Variants in DPP6 observed in about 807,000 individuals in gnomAD.
DPP6 encodes the protein dipeptidyl peptidase like 6, also known as A-type potassium channel modulatory protein DPP6.
DPP6 carries 69 observed loss-of-function variants against 122.6 expected under a neutral mutation model. That is an observed-to-expected ratio of 0.56 (90% CI 0.46 to 0.69). The LOEUF is 0.69. Ranked by LOEUF, DPP6 falls within the 30% of genes least tolerant of loss-of-function variation. The probability of loss-of-function intolerance (pLI) is 0.00; values close to 1 mark genes in which losing one functional copy is unlikely to be tolerated. For missense variants in DPP6, 928 were observed against 1,116.9 expected, an observed-to-expected ratio of 0.83 and a Z score of 2.41; for synonymous variants, 418 against 433.1, an observed-to-expected ratio of 0.97 and a Z score of 0.43.
intron 1 of DPP6, among the ~76,000 whole-genome samples, chr7:153,894,490 T>C (rs1434898895): frequency 6.6e-6 from 1 of 152,080 alleles, no homozygotes; most frequent in African/African-American, 2.4e-5. Flanking sequence ...GGAGAAAGGG[T>C]TCCATTCGGG....
intron 8 of DPP6, among the ~76,000 whole-genome samples, chr7:154,742,970 C>A (rs1464364885): frequency 1.3e-5 from 2 of 152,184 alleles, no homozygotes; most frequent in East Asian, 3.8e-4. Context: ...GGAAGATGTT[C>A]TTTGACTCTT....
chr7:154,436,012 G>C (rs1300512209), intron 1 of DPP6, among the ~76,000 whole-genome samples: 1 of 152,120 alleles, frequency 6.6e-6, no homozygotes, highest in African/African-American at 2.4e-5. Context: ...TTAAGGCACA[G>C]TGGGAGAAGG....
intron 8 of DPP6, among the ~76,000 whole-genome samples, chr7:154,744,817 G>C (rs1476890899): frequency 6.6e-6 from 1 of 152,172 alleles, no homozygotes; most frequent in Admixed American, 6.5e-5. Flanking sequence ...AGATTTCTCA[G>C]GGTGCTTTGA....
chr7:153,789,295 C>T, the DPP6 span, among the ~76,000 whole-genome samples: 1 of 152,050 alleles, frequency 6.6e-6, no homozygotes, highest in Non-Finnish European at 1.5e-5. Context: ...TTGTAATGTC[C>T]CCTTTATTAT....
chr7:154,252,151 A>G (rs1367396604), intron 1 of DPP6, among the ~76,000 whole-genome samples: 5 of 152,252 alleles, frequency 3.3e-5, no homozygotes, highest in Non-Finnish European at 7.3e-5. Context: ...GTTGTATTCT[A>G]TAACAGGGTG....
chr7:154,589,711 C>T (rs1832689446), intron 5 of DPP6, among the ~76,000 whole-genome samples: 1 of 152,298 alleles, frequency 6.6e-6, no homozygotes, highest in African/African-American at 2.4e-5. Context: ...CAGTACAGTT[C>T]TAAAGCAATG....
At position 154,755,665 on chromosome 7, in the gene DPP6, G is replaced by C. The variant is rs916028775; in HGVS notation, c.884-13752G>C. Among the ~76,000 whole-genome samples, 12 of 152,136 alleles carry C rather than the reference G, an allele frequency of 7.9e-5. No homozygotes were observed. Among genetic ancestry groups the C allele is most frequent in the Non-Finnish European group, 1.8e-4 (12 of 68,028 alleles). Reference sequence around the variant, plus strand: ...CCCTTCTAAGAGGACTTACCCGGAAGCTGCCAAGTCTTACTGGAATTCAAT... The same window carrying C: ...CCCTTCTAAGAGGACTTACCCGGAACCTGCCAAGTCTTACTGGAATTCAAT... On this transcript the variant is annotated intron_variant, in intron 8 of 25. Coordinates refer to ENST00000377770, the MANE Select transcript of DPP6 (RefSeq NM_130797.4). The surrounding 1 kb of genome is among the most constrained non-coding windows in gnomAD (Gnocchi z 4.7).
intron 1 of DPP6, among the ~76,000 whole-genome samples, chr7:153,898,543 A>G (rs990705688): frequency 6.6e-6 from 1 of 152,232 alleles, no homozygotes; most frequent in African/African-American, 2.4e-5. Context: ...TCCTAAGTAA[A>G]CATACATCAA....
chr7:153,816,428 C>T, the DPP6 span, among the ~76,000 whole-genome samples: 1 of 151,968 alleles, frequency 6.6e-6, no homozygotes, highest in African/African-American at 2.4e-5. Context: ...TTGTTGCTCT[C>T]CTATTTGTAA....
At chr7:154,867,830 G>T (rs1012273287) in intron 17 of DPP6, among the ~76,000 whole-genome samples, 165 bp from the exon 18 acceptor site, 2 of 152,128 alleles carry the variant, frequency 1.3e-5, no homozygotes, top group African/African-American at 4.8e-5. Context: ...CATAACTTGA[G>T]CGTGTTTTTT....
chr7:154,638,493 A>G (rs1181247771), intron 6 of DPP6, among the ~76,000 whole-genome samples: 1 of 152,116 alleles, frequency 6.6e-6, no homozygotes, highest in African/African-American at 2.4e-5. Flanking sequence ...GCCGGGTTTC[A>G]GTGCCTGCTT....
chr7:153,953,398 G>A (rs1385244987), intron 1 of DPP6, among the ~76,000 whole-genome samples: 1 of 152,122 alleles, frequency 6.6e-6, no homozygotes, highest in Non-Finnish European at 1.5e-5. Context: ...AAGCATTTCT[G>A]TAAATTTTTT....
the DPP6 span, among the ~76,000 whole-genome samples, chr7:153,855,203 C>T: frequency 6.7e-6 from 1 of 149,744 alleles, no homozygotes; most frequent in Non-Finnish European, 1.5e-5. Context: ...CTAACCTGCA[C>T]AATGTGCACA....
chr7:154,518,764 T>A (rs10259228), intron 3 of DPP6, among the ~76,000 whole-genome samples: 4 of 152,038 alleles, frequency 2.6e-5, no homozygotes, highest in Non-Finnish European at 5.9e-5. Flanking sequence ...CGCTTCATAC[T>A]TAGCAGGACC....
At chr7:153,828,356 TG>T in the DPP6 span, among the ~76,000 whole-genome samples, 2 of 152,136 alleles carry the variant, frequency 1.3e-5, no homozygotes, top group Non-Finnish European at 2.9e-5. Flanking sequence ...AATCTACACG[TG>T]GGATTAATGA....
chr7:154,098,682 A>C (rs1186976907), intron 1 of DPP6, among the ~76,000 whole-genome samples: 2 of 151,676 alleles, frequency 1.3e-5, no homozygotes, highest in Admixed American at 6.6e-5. Context: ...GGGCAGAAGA[A>C]GGGTGGATAT....
Position 154,772,927 on chromosome 7 carries a change from A to G in DPP6, c.1121A>G (p.Asp374Gly), listed in dbSNP as rs777209072. The change falls in exon 10 of 26, where the codon GAT becomes GGT. Residue 374 changes from aspartate to glycine, a missense_variant. Asp to Gly is a moderately conservative substitution (Grantham distance 94). Transcript: ENST00000377770. ...PTHDLEMMPPDDPRMREYYIT... is the reference protein window; with the variant it reads ...PTHDLEMMPPGDPRMREYYIT... ...CATGATCTGGAGATGATGCCGCCTG[A>G]TGATCCACGGATGAGGTTTGCTTCC... 1 of 1,607,696 alleles carries G rather than the reference A, an allele frequency of 6.2e-7. No individual in the cohort carries two copies. Among genetic ancestry groups the G allele is most frequent in the African/African-American group, 1.3e-5 (1 of 74,420 alleles).
chr7:154,138,293 G>A (rs1459191010), intron 1 of DPP6, among the ~76,000 whole-genome samples: 2 of 152,202 alleles, frequency 1.3e-5, no homozygotes, highest in Admixed American at 6.5e-5. Context: ...TTTATGTAAA[G>A]TAGACACTTA....
chr7:153,935,772 G>A (rs534280778), intron 1 of DPP6, among the ~76,000 whole-genome samples: 54 of 152,106 alleles, frequency 3.6e-4, no homozygotes, highest in Non-Finnish European at 6.9e-4. Context: ...CTGCTCTCCC[G>A]TTCACCTGAC....
Sources: allele counts gnomAD v4.1 joint callset (sites outside exome capture counted in the v4.1 genomes callset), GRCh38; gene constraint gnomAD v4.1.1; non-coding constraint Gnocchi (gnomAD v3.1); transcripts MANE v1.5; gene names NCBI Gene and HGNC (gene_info 2026-07-23, HGNC 2026-07-21).